The following RLN2 variants were observed in gnomAD, a reference collection of about 807,000 sequenced individuals.
RLN2 encodes the protein prorelaxin H2.
A neutral mutation model predicts 7.3 loss-of-function variants in RLN2; 10 were observed. The observed-to-expected ratio is 1.36, with a 90% CI of 0.84 to 2.31. The LOEUF (loss-of-function observed/expected upper bound fraction) is 2.31. Among genes scored for constraint, RLN2 ranks in the 30% most tolerant of loss-of-function variants. The probability of loss-of-function intolerance (pLI) is 0.00; values close to 1 mark genes in which losing one functional copy is unlikely to be tolerated. For missense variants in RLN2, 298 were observed against 217.6 expected (o/e 1.37, Z -2.32); for synonymous variants, 103 against 82.3 (o/e 1.25, Z -1.36).
chr9:5,334,745 A>C, the RLN2 span, among the ~76,000 whole-genome samples: 1 of 152,070 alleles, frequency 6.6e-6, no homozygotes, highest in African/African-American at 2.4e-5. Flanking sequence ...AAAAAGGAAA[A>C]AAAATACTTG....
chr9:5,337,117 C>T, the RLN2 span, among the ~76,000 whole-genome samples: 2 of 151,984 alleles, frequency 1.3e-5, no homozygotes, highest in Non-Finnish European at 2.9e-5. Flanking sequence ...GGTTAAATGA[C>T]AGGTTTTGGC....
the RLN2 span, among the ~76,000 whole-genome samples, chr9:5,328,594 C>A: frequency 1.3e-5 from 2 of 151,794 alleles, no homozygotes; most frequent in Non-Finnish European, 2.9e-5. Context: ...AGAGCAACCC[C>A]AAGACACATA....
At chr9:5,322,284 G>T in the RLN2 span, among the ~76,000 whole-genome samples, 50 of 151,702 alleles carry the variant, frequency 3.3e-4, no homozygotes, top group East Asian at 9.9e-4. Context: ...CCTCCAGCAG[G>T]GCTTTACTGC....
chr9:5,329,276 G>GTCCGCAC, the RLN2 span, among the ~76,000 whole-genome samples: 1 of 131,384 alleles, frequency 7.6e-6, no homozygotes, highest in Non-Finnish European at 1.6e-5. Flanking sequence ...GCAGTCCGCA[G>GTCCGCAC]TCCGGCCTGG....
chr9:5,306,102 GTTTTTT>G (rs796143244), upstream of RLN2, among the ~76,000 whole-genome samples: 29 of 123,442 alleles, frequency 2.3e-4, 1 homozygote, highest in Middle Eastern at 3.9e-3. Context: ...CTTTGTTTTT[GTTTTTT>G]GTTTTTTTTT....
chr9:5,312,072 A>T, the RLN2 span, among the ~76,000 whole-genome samples: 1 of 151,938 alleles, frequency 6.6e-6, no homozygotes, highest in African/African-American at 2.4e-5. Flanking sequence ...GGGAAGGGGC[A>T]TATGTCACTA....
At chr9:5,308,135 C>G (rs917414900), upstream of RLN2, among the ~76,000 whole-genome samples, 2 of 151,844 alleles carry the variant, frequency 1.3e-5, no homozygotes, top group Admixed American at 1.3e-4. Context: ...TCCCCAGATG[C>G]CTTTGGAACT....
the RLN2 span, among the ~76,000 whole-genome samples, chr9:5,329,838 A>T: frequency 2.0e-5 from 3 of 151,902 alleles, no homozygotes; most frequent in African/African-American, 7.3e-5. Flanking sequence ...ACTGTCAATA[A>T]TAGACAGATC....
chr9:5,330,563 G>A, the RLN2 span, among the ~76,000 whole-genome samples: 4 of 150,440 alleles, frequency 2.7e-5, no homozygotes, highest in Non-Finnish European at 5.9e-5. Flanking sequence ...GCATGAACTG[G>A]GGAGGCAGAG....
the RLN2 span, among the ~76,000 whole-genome samples, chr9:5,330,867 G>T: frequency 6.6e-6 from 1 of 150,428 alleles, no homozygotes; most frequent in Non-Finnish European, 1.5e-5. Flanking sequence ...TAATTAAGAA[G>T]AAAAGAGAGA....
At chr9:5,316,671 AT>A in the RLN2 span, among the ~76,000 whole-genome samples, 4 of 151,872 alleles carry the variant, frequency 2.6e-5, no homozygotes. Flanking sequence ...TATGTGCCAC[AT>A]TTTCTTTATC....
At chr9:5,301,757 G>C (rs1816144824) in intron 1 of RLN2, among the ~76,000 whole-genome samples, 1 of 152,092 alleles carries the variant, frequency 6.6e-6, no homozygotes, top group South Asian at 2.1e-4. Flanking sequence ...ATCATTTCCT[G>C]AGTTTTCTGG....
At chr9:5,336,386 T>C in the RLN2 span, among the ~76,000 whole-genome samples, 1 of 152,002 alleles carries the variant, frequency 6.6e-6, no homozygotes, top group African/African-American at 2.4e-5. Flanking sequence ...GTGTGATTCC[T>C]AGGAAGGGCC....
upstream of RLN2, among the ~76,000 whole-genome samples, chr9:5,307,345 G>A (rs1464284950): frequency 6.6e-6 from 1 of 151,790 alleles, no homozygotes; most frequent in African/African-American, 2.4e-5. Context: ...ATATATATGT[G>A]CAAAATACAT....
the RLN2 span, among the ~76,000 whole-genome samples, chr9:5,337,592 G>A: frequency 3.3e-5 from 5 of 152,028 alleles, no homozygotes; most frequent in South Asian, 8.3e-4. Flanking sequence ...GTAATAACGT[G>A]AAAGCAAGTA....
At chr9:5,335,167 T>C in the RLN2 span, 7 of 717,444 alleles carry the variant, frequency 9.8e-6, no homozygotes, top group Non-Finnish European at 1.6e-5. Flanking sequence ...TTCTAATAAT[T>C]AGTGGGACCT....
chr9:5,308,447 A>G (rs1451360770), upstream of RLN2, among the ~76,000 whole-genome samples: 1 of 151,820 alleles, frequency 6.6e-6, no homozygotes, highest in Non-Finnish European at 1.5e-5. Context: ...CAAAAACAAA[A>G]CAATAAGATG....
At position 5,300,513 on chromosome 9, in the gene RLN2, G is replaced by C. The variant is rs112793875; in HGVS notation, c.212-69C>G. 2.7e-3 allele frequency: 2,830 copies of C among 1,053,280 alleles called. 55 individuals are homozygous for C. In the African/African-American group the frequency reaches 0.041, roughly 15 times the overall value. The allele number at this position is 1,053,280 out of a possible 1,614,324, so 65.2% of individuals were successfully genotyped here. ...GTCAAAGAGCACTCAGAAAAACTAT[G>C]AATGTTTGCATAGACAAAAAAGCAT... On this transcript the variant is annotated intron_variant, in intron 1 of 1. Coordinates refer to ENST00000381627, the MANE Select transcript of RLN2 (RefSeq NM_134441.3).
At chr9:5,313,388 C>T in the RLN2 span, among the ~76,000 whole-genome samples, 1 of 151,968 alleles carries the variant, frequency 6.6e-6, no homozygotes, top group African/African-American at 2.4e-5. Flanking sequence ...ATAGCTACCA[C>T]TGATTTCTTT....
Sources: allele counts gnomAD v4.1 joint callset (sites outside exome capture counted in the v4.1 genomes callset), GRCh38; gene constraint gnomAD v4.1.1; transcripts MANE v1.5; gene names NCBI Gene and HGNC (gene_info 2026-07-23, HGNC 2026-07-21).